KCNIP4: variants seen among roughly 807,000 people sequenced by gnomAD.
The protein encoded by KCNIP4 is potassium voltage-gated channel interacting protein 4.
In KCNIP4, 12 loss-of-function variants were observed where a neutral mutation model predicts 34.0. That is an observed-to-expected ratio of 0.35 (90% CI 0.23 to 0.57). The LOEUF is 0.57. Among genes scored for constraint, KCNIP4 ranks in the 20% least tolerant of loss-of-function variants. KCNIP4 has a pLI of 0.83. For synonymous variants in KCNIP4, 124 were observed against 102.2 expected (o/e 1.21, Z -1.29); for missense variants, 238 against 311.7 (o/e 0.76, Z 1.78).
chr4:20,792,121 C>T (rs1712832144), intron 3 of KCNIP4, among the ~76,000 whole-genome samples: 1 of 152,202 alleles, frequency 6.6e-6, no homozygotes, highest in Non-Finnish European at 1.5e-5. Context: ...CGCCTATAAT[C>T]CCAGCACTTT....
intron 1 of KCNIP4, among the ~76,000 whole-genome samples, chr4:20,980,983 C>T (rs571327339): frequency 6.6e-6 from 1 of 152,242 alleles, no homozygotes; most frequent in South Asian, 2.1e-4. Flanking sequence ...GTGGTTTGCA[C>T]TTTAGCTGCC....
intron 1 of KCNIP4, among the ~76,000 whole-genome samples, chr4:21,455,137 T>C (rs1728820312): frequency 6.6e-6 from 1 of 152,004 alleles, no homozygotes. Context: ...AAATTCCAGA[T>C]TCCTGACAAA....
At chr4:21,102,551 A>C (rs1379062293) in intron 1 of KCNIP4, among the ~76,000 whole-genome samples, 1 of 152,138 alleles carries the variant, frequency 6.6e-6, no homozygotes, top group Non-Finnish European at 1.5e-5. Flanking sequence ...ATAAATTAGG[A>C]AGTTTTCAGC....
At chr4:21,556,419 A>G (rs1739014128) in intron 1 of KCNIP4, among the ~76,000 whole-genome samples, 1 of 152,152 alleles carries the variant, frequency 6.6e-6, no homozygotes, top group Non-Finnish European at 1.5e-5. Flanking sequence ...AACAAAGTCA[A>G]TGCTTCTATC....
At chr4:20,797,308 C>T (rs1713602382) in intron 3 of KCNIP4, among the ~76,000 whole-genome samples, 1 of 152,112 alleles carries the variant, frequency 6.6e-6, no homozygotes, top group South Asian at 2.1e-4. Context: ...GGTCTTTCAA[C>T]ATTATAATCA....
chr4:21,632,545 C>G (rs1273291284), intron 1 of KCNIP4, among the ~76,000 whole-genome samples: 1 of 152,124 alleles, frequency 6.6e-6, no homozygotes, highest in Non-Finnish European at 1.5e-5. Flanking sequence ...TTTATAATAA[C>G]CTCCTCTTTG....
intron 1 of KCNIP4, among the ~76,000 whole-genome samples, chr4:21,599,730 T>G (rs1271762533): frequency 3.3e-5 from 5 of 152,102 alleles, no homozygotes; most frequent in Non-Finnish European, 5.9e-5. Flanking sequence ...GCAGAGTTGC[T>G]CTGGCCAAGC....
intron 1 of KCNIP4, among the ~76,000 whole-genome samples, chr4:21,002,494 C>T (rs1457703890): frequency 6.6e-6 from 1 of 152,178 alleles, no homozygotes; most frequent in African/African-American, 2.4e-5. Flanking sequence ...AGACATATGG[C>T]CTCATCTTTC....
chr4:21,294,023 A>G (rs1456315196), intron 1 of KCNIP4, among the ~76,000 whole-genome samples: 1 of 152,124 alleles, frequency 6.6e-6, no homozygotes, highest in Non-Finnish European at 1.5e-5. Context: ...AGTGGCTGAA[A>G]TTTCACAAGC....
intron 1 of KCNIP4, among the ~76,000 whole-genome samples, chr4:21,215,923 C>T (rs1385719080): frequency 6.6e-6 from 1 of 152,072 alleles, no homozygotes; most frequent in Non-Finnish European, 1.5e-5. Context: ...CCAAGCCATC[C>T]TCCTACTTCA....
chr4:21,452,305 A>T (rs942666958), intron 1 of KCNIP4, among the ~76,000 whole-genome samples: 4 of 152,150 alleles, frequency 2.6e-5, no homozygotes, highest in African/African-American at 9.7e-5. Context: ...CCCTGCCTTC[A>T]TGGAGGTGGG....
At chr4:21,828,930 G>C (rs775015735) in intron 1 of KCNIP4, among the ~76,000 whole-genome samples, 12 of 151,806 alleles carry the variant, frequency 7.9e-5, no homozygotes, top group Non-Finnish European at 1.5e-4. Context: ...TAAATACATG[G>C]CTTAATATTT....
intron 1 of KCNIP4, among the ~76,000 whole-genome samples, chr4:21,481,238 A>G (rs1343136682): frequency 6.6e-6 from 1 of 152,208 alleles, no homozygotes. Context: ...AAGGAAAAAG[A>G]TATGACCACA....
rs1758213492 is a variant in KCNIP4 at position 21,224,490 on chromosome 4, G to A, written c.62-341781C>T. ...TAGAGACTACAGTTTCACCCTATGA[G>A]TTTGGGTTGGACACAAACATTCCAC... is the stretch of plus-strand genomic sequence containing the variant. On this transcript the variant is annotated intron_variant, in intron 1 of 8. Transcript: ENST00000382152. Among the ~76,000 whole-genome samples the A allele has an allele frequency of 2.7e-5, 4 of 147,890 alleles. No homozygotes were observed. In the South Asian group the frequency reaches 6.6e-4, roughly 24 times the overall value.
chr4:21,765,470 GA>G lies in KCNIP4; in HGVS notation c.61+183100del, dbSNP rs544713311. Among the ~76,000 whole-genome samples the G allele has an allele frequency of 1.4e-4, 22 of 151,968 alleles. 1 individual carries two copies. Among genetic ancestry groups the G allele is most frequent in the Non-Finnish European group, 2.9e-4 (20 of 67,974 alleles). ...AACTGTTTTATCCCTTTTTTATGCAGACTTGCTCCCTGGGGGAAAAGTGGTC... is the reference window on the plus strand; with the variant it reads ...AACTGTTTTATCCCTTTTTTATGCAGCTTGCTCCCTGGGGGAAAAGTGGTC... On this transcript the variant is annotated intron_variant, in intron 1 of 8. Transcript: ENST00000382152.
At chr4:21,022,211 A>G (rs1740137512) in intron 1 of KCNIP4, among the ~76,000 whole-genome samples, 1 of 152,072 alleles carries the variant, frequency 6.6e-6, no homozygotes, top group South Asian at 2.1e-4. Flanking sequence ...TGCTGTTCCA[A>G]TTTTCTTAGT....
intron 1 of KCNIP4, among the ~76,000 whole-genome samples, chr4:21,829,469 TG>T (rs1722852150): frequency 6.6e-6 from 1 of 151,790 alleles, no homozygotes; most frequent in African/African-American, 2.4e-5. Context: ...ACAAATTGAG[TG>T]TAGATTTTCC....
chr4:20,933,484 T>G (rs2149605273), intron 1 of KCNIP4, among the ~76,000 whole-genome samples: 1 of 152,260 alleles, frequency 6.6e-6, no homozygotes, highest in Non-Finnish European at 1.5e-5. Flanking sequence ...GGTGTTAAAT[T>G]TATGAAGGCT....
chr4:21,700,546 CTG>C (rs2109061635), intron 1 of KCNIP4, among the ~76,000 whole-genome samples: 1 of 148,894 alleles, frequency 6.7e-6, no homozygotes, highest in East Asian at 1.9e-4. Context: ...TATCTTTTCA[CTG>C]TGTTTTTGTT....
Sources: allele counts gnomAD v4.1 joint callset (sites outside exome capture counted in the v4.1 genomes callset), GRCh38; gene constraint gnomAD v4.1.1; transcripts MANE v1.5; gene names NCBI Gene and HGNC (gene_info 2026-07-23, HGNC 2026-07-21).